The following LSAMP variants were observed in gnomAD, a reference collection of about 807,000 sequenced individuals.
LSAMP encodes the protein limbic system associated membrane protein, also known as limbic system-associated membrane protein.
A neutral mutation model predicts 38.6 loss-of-function variants in LSAMP; 7 were observed. The ratio of observed to expected loss-of-function variants is 0.18; its 90% CI spans 0.10 to 0.34. LSAMP has a LOEUF of 0.34. Among genes scored for constraint, LSAMP ranks in the 10% least tolerant of loss-of-function variants. LSAMP has a pLI of 1.00. For synonymous variants in LSAMP, 154 were observed against 166.8 expected, an observed-to-expected ratio of 0.92 and a Z score of 0.59; for missense variants, 313 against 420.0, an observed-to-expected ratio of 0.75 and a Z score of 2.23.
chr3:116,426,266 C>T (rs1014068696), intron 1 of LSAMP, among the ~76,000 whole-genome samples: 2 of 152,042 alleles, frequency 1.3e-5, no homozygotes, highest in Admixed American at 6.6e-5. Context: ...CCGGGTGGAT[C>T]ACTTGAGGTC....
intron 3 of LSAMP, among the ~76,000 whole-genome samples, chr3:115,984,955 T>C (rs1377322508): frequency 6.6e-6 from 1 of 152,158 alleles, no homozygotes; most frequent in Non-Finnish European, 1.5e-5. Context: ...GCTTAGATTA[T>C]GTATGGGGAA....
intron 3 of LSAMP, among the ~76,000 whole-genome samples, chr3:115,955,334 A>G (rs575983924): frequency 6.6e-6 from 1 of 152,278 alleles, no homozygotes. Flanking sequence ...TTTCTCTAGT[A>G]TTATAATTTG....
intron 2 of LSAMP, among the ~76,000 whole-genome samples, chr3:116,072,370 C>G (rs1707628111): frequency 6.6e-6 from 1 of 152,050 alleles, no homozygotes; most frequent in Non-Finnish European, 1.5e-5. Flanking sequence ...CATATGAGTG[C>G]ATGTATCTTT....
chr3:116,383,107 T>C (rs1412228770), intron 1 of LSAMP, among the ~76,000 whole-genome samples: 1 of 152,154 alleles, frequency 6.6e-6, no homozygotes, highest in Non-Finnish European at 1.5e-5. Context: ...AGCATTGCTA[T>C]GGTAATTTAT....
chr3:115,877,383 T>G (rs1244674577), intron 3 of LSAMP, among the ~76,000 whole-genome samples: 1 of 152,156 alleles, frequency 6.6e-6, no homozygotes, highest in Non-Finnish European at 1.5e-5. Context: ...ATCTTAAATA[T>G]ACTGTTGTAG....
intron 2 of LSAMP, among the ~76,000 whole-genome samples, chr3:116,083,154 T>C (rs1707908696): frequency 6.6e-6 from 1 of 152,184 alleles, no homozygotes; most frequent in Non-Finnish European, 1.5e-5. Context: ...ACTGCAAAGA[T>C]AATAGGCAAC....
chr3:115,828,028 T>C (rs927768353), intron 6 of LSAMP, among the ~76,000 whole-genome samples: 4 of 152,208 alleles, frequency 2.6e-5, no homozygotes, highest in Non-Finnish European at 4.4e-5. Context: ...TTAATTTGTA[T>C]CTTGCCTCTT....
intron 1 of LSAMP, among the ~76,000 whole-genome samples, chr3:116,359,266 G>A (rs1300401339): frequency 6.6e-6 from 1 of 152,132 alleles, no homozygotes; most frequent in African/African-American, 2.4e-5. Context: ...TGAGTTAGCA[G>A]GTAGTGAAAA....
intron 1 of LSAMP, among the ~76,000 whole-genome samples, chr3:116,351,328 C>G (rs1354582679): frequency 1.3e-5 from 2 of 152,088 alleles, no homozygotes; most frequent in East Asian, 3.9e-4. Context: ...GGAAAATGAT[C>G]AAAAGCTAGA....
intron 1 of LSAMP, among the ~76,000 whole-genome samples, chr3:116,334,082 A>T (rs1336130212): frequency 1.3e-5 from 2 of 151,962 alleles, no homozygotes; most frequent in Non-Finnish European, 2.9e-5. Flanking sequence ...GATTCTACAG[A>T]AATAAAAAAA....
At chr3:116,296,741 A>AC (rs2047340804) in intron 1 of LSAMP, among the ~76,000 whole-genome samples, 1 of 150,142 alleles carries the variant, frequency 6.7e-6, no homozygotes, top group Non-Finnish European at 1.5e-5. Context: ...ATAAAGGTCT[A>AC]CTGAGGCTCT....
intron 1 of LSAMP, among the ~76,000 whole-genome samples, chr3:116,215,414 G>A (rs1401752749): frequency 6.6e-6 from 1 of 152,024 alleles, no homozygotes. Flanking sequence ...AAAGTATTGA[G>A]CACTCACTGC....
At chr3:116,218,093 T>A (rs2046242113) in intron 1 of LSAMP, among the ~76,000 whole-genome samples, 1 of 152,120 alleles carries the variant, frequency 6.6e-6, no homozygotes, top group African/African-American at 2.4e-5. Flanking sequence ...TACTCAGGAA[T>A]GAAAGACAAT....
intron 1 of LSAMP, among the ~76,000 whole-genome samples, chr3:116,227,198 A>G (rs2107623176): frequency 6.6e-6 from 1 of 152,196 alleles, no homozygotes; most frequent in East Asian, 1.9e-4. Flanking sequence ...TGTAAACTAC[A>G]CCTACATAGC....
intron 1 of LSAMP, among the ~76,000 whole-genome samples, chr3:116,427,265 C>T (rs1049651657): frequency 6.6e-6 from 1 of 151,464 alleles, no homozygotes; most frequent in Non-Finnish European, 1.5e-5. Context: ...GGACTACAGG[C>T]GCCCACCACC....
chr3:116,048,673 C>T (rs1050829604), intron 2 of LSAMP, among the ~76,000 whole-genome samples: 2 of 152,160 alleles, frequency 1.3e-5, no homozygotes, highest in African/African-American at 2.4e-5. Context: ...GTACTTATTA[C>T]GTATTAGAAA....
At chr3:116,385,229 G>T (rs2048609827) in intron 1 of LSAMP, among the ~76,000 whole-genome samples, 1 of 152,070 alleles carries the variant, frequency 6.6e-6, no homozygotes, top group African/African-American at 2.4e-5. Flanking sequence ...ACATCACCTT[G>T]GCCAAGATAT....
intron 2 of LSAMP, among the ~76,000 whole-genome samples, chr3:116,080,017 A>G (rs2107406991): frequency 6.6e-6 from 1 of 152,312 alleles, no homozygotes; most frequent in South Asian, 2.1e-4. Flanking sequence ...CCTAAGATTA[A>G]ATATCTGTGT....
chr3:115,930,631 CA>C (rs1333247872), intron 3 of LSAMP, among the ~76,000 whole-genome samples: 1 of 152,116 alleles, frequency 6.6e-6, no homozygotes, highest in Non-Finnish European at 1.5e-5. Flanking sequence ...CTGGATCATC[CA>C]ACAGCCTACA....
Sources: gnomAD v4.1 joint callset for allele counts (sites outside exome capture counted in the v4.1 genomes callset) on GRCh38, gnomAD v4.1.1 for gene constraint, MANE v1.5 for transcripts, NCBI Gene and HGNC (gene_info 2026-07-23, HGNC 2026-07-21) for gene names.